The following PAK6 variants were observed in gnomAD, a reference collection of about 807,000 sequenced individuals.
PAK6 encodes p21 (RAC1) activated kinase 6.
In PAK6, 33 loss-of-function variants were observed where a neutral mutation model predicts 60.8. The observed-to-expected ratio is 0.54, with a 90% CI of 0.41 to 0.73. The LOEUF is 0.73. PAK6 is among the 30% of genes least tolerant of loss of function. The probability of loss-of-function intolerance (pLI) is 0.00; values close to 1 mark genes in which losing one functional copy is unlikely to be tolerated. For missense variants in PAK6, 845 were observed against 904.1 expected, an observed-to-expected ratio of 0.93 and a Z score of 0.84; for synonymous variants, 404 against 378.5, an observed-to-expected ratio of 1.07 and a Z score of -0.78.
chr15:40,260,132 G>C (rs2038946107), intron 3 of PAK6: 1 of 152,142 alleles, frequency 6.6e-6, no homozygotes, highest in Non-Finnish European at 1.5e-5. Flanking sequence ...ATCCAGGAGA[G>C]ACCACCAAAT....
chr15:40,272,826 G>A (rs746756612), intron 6 of PAK6, 40 bp from the exon 7 acceptor site: 1 of 1,607,148 alleles, frequency 6.2e-7, no homozygotes, highest in South Asian at 1.1e-5. Flanking sequence ...CCATGCGTCT[G>A]GGCACTGTGC....
chr15:40,273,379 G>T, exon 8 of PAK6: 1 of 1,613,972 alleles, frequency 6.2e-7, no homozygotes, highest in East Asian at 2.2e-5. Context: ...CTGTGTGTGA[G>T]GCTGTGCTGC....
chr15:40,241,277 C>G (rs2038322745), intron 2 of PAK6, among the ~76,000 whole-genome samples: 2 of 152,288 alleles, frequency 1.3e-5, no homozygotes, highest in South Asian at 2.1e-4. Context: ...GGAAGCAAGG[C>G]TAACGTCTTG....
At chr15:40,240,562 C>CTT (rs10624794) in intron 1 of PAK6, 37 bp from the exon 2 acceptor site, 97,981 of 314,468 alleles carry the variant, frequency 0.31, 13,564 homozygotes, top group East Asian at 0.42. Context: ...TTTTCTTTTC[C>CTT]TTTTTTTTTT....
chr15:40,240,396 A>T (rs2140934758), intron 1 of PAK6: 1 of 340,240 alleles, frequency 2.9e-6, no homozygotes, highest in South Asian at 2.2e-5. Flanking sequence ...GTGTGTCAGG[A>T]GGAGGGGGGA....
chr15:40,256,959 C>T (rs11631752), intron 3 of PAK6: 60,047 of 152,160 alleles, frequency 0.39, 13,207 homozygotes, highest in Middle Eastern at 0.55. Flanking sequence ...CATCCCTTGT[C>T]ATCTACAAAA....
intron 10 of PAK6, 23 bp from the exon 11 acceptor site, chr15:40,275,904 A>G: frequency 6.3e-7 from 1 of 1,588,880 alleles, no homozygotes; most frequent in South Asian, 1.1e-5. Context: ...TTGTGGCTTC[A>G]TCTTACTGCC....
exon 11 of PAK6, chr15:40,275,972 G>A (rs758280121): frequency 1.2e-6 from 2 of 1,613,282 alleles, no homozygotes; most frequent in South Asian, 2.2e-5. Flanking sequence ...GCTGGTGCGG[G>A]ACCCCCAAGA....
chr15:40,240,562 C>CTTTTTTTTTTTTTTTTTTTTT lies in PAK6; in HGVS notation c.-200-36_-200-16dup. ...AGAAAAGCACTGAGGTTTTCTTTTCCTTTTTTTTTTTTTTTTTTTTTCTAT... is the reference window on the plus strand; with the variant it reads ...AGAAAAGCACTGAGGTTTTCTTTTCCTTTTTTTTTTTTTTTTTTTTTTTTTTTTTTTTTTTTTTTTTTCTAT... On this transcript the variant is annotated intron_variant, in intron 1 of 10. Coordinates refer to ENST00000560346, the Ensembl canonical transcript of PAK6. 2 of 320,512 alleles carry CTTTTTTTTTTTTTTTTTTTTT rather than the reference C, an allele frequency of 6.2e-6. 1 individual carries two copies. 19.9% of individuals were successfully genotyped at this position (320,512 alleles called of 1,614,324 possible).
In PAK6 at chr15:40,272,741, C is replaced by G; in HGVS notation, c.1356+20C>G. On this transcript the variant is annotated intron_variant, in intron 6 of 10. Transcript: ENST00000560346. The stretch of plus-strand genomic sequence containing the variant: ...AACGAGGTGGGAGGACAGGGTGGGA[C>G]ACAGACGGGGGCGTTGGGGATGGGC... The G allele has an allele frequency of 6.3e-7, 1 of 1,579,890 alleles. No homozygotes were observed. The highest frequency in any genetic ancestry group is 8.6e-7 in the Non-Finnish European group (1 of 1,164,136).
At chr15:40,265,573 T>C (rs1223992226) in intron 4 of PAK6, among the ~76,000 whole-genome samples, 2 of 152,130 alleles carry the variant, frequency 1.3e-5, no homozygotes, top group Non-Finnish European at 2.9e-5. Flanking sequence ...ACCACACCCC[T>C]GGGCATGCTG....
exon 11 of PAK6, chr15:40,277,132 G>C (rs2039478294): frequency 6.6e-6 from 1 of 152,212 alleles, no homozygotes; most frequent in Non-Finnish European, 1.5e-5. Flanking sequence ...ATCTGGGAGA[G>C]AAGGCGAACC....
chr15:40,272,909 T>C, exon 7 of PAK6: 1 of 1,614,062 alleles, frequency 6.2e-7, no homozygotes. Context: ...GTGGTGGAGA[T>C]GTACAAGAGC....
exon 5 of PAK6, chr15:40,265,975 C>T: frequency 6.2e-7 from 1 of 1,604,150 alleles, no homozygotes; most frequent in South Asian, 1.1e-5. Flanking sequence ...CGGGCACAGT[C>T]CCTGGGGCTG....
chr15:40,264,750 G>C (rs374297979), intron 3 of PAK6, 31 bp from the exon 4 acceptor site: 2 of 1,601,310 alleles, frequency 1.2e-6, no homozygotes, highest in East Asian at 4.5e-5. Context: ...TCTTTCCCGG[G>C]AGGGAGCTCA....
intron 2 of PAK6, chr15:40,245,522 G>A (rs1389084924): frequency 6.6e-6 from 1 of 152,216 alleles, no homozygotes; most frequent in African/African-American, 2.4e-5. Context: ...GGAGCGAGGG[G>A]ACCAGTTATG....
At chr15:40,252,300 G>C (rs1260947136) in intron 2 of PAK6, 2 of 1,232,282 alleles carry the variant, frequency 1.6e-6, no homozygotes, top group Non-Finnish European at 2.1e-6. Context: ...TGATTCTCCA[G>C]GTCGGGTCTC....
intron 3 of PAK6, among the ~76,000 whole-genome samples, chr15:40,262,674 G>A (rs1371774401): frequency 2.6e-5 from 4 of 152,196 alleles, no homozygotes; most frequent in Non-Finnish European, 4.4e-5. Context: ...AAGTGGTTTG[G>A]TGTTACTCCC....
At chr15:40,263,273 A>G (rs1595588541) in intron 3 of PAK6, among the ~76,000 whole-genome samples, 1 of 151,452 alleles carries the variant, frequency 6.6e-6, no homozygotes, top group East Asian at 1.9e-4. Flanking sequence ...TCAGTTCAAG[A>G]ATCATGTTTC....
Sources: gnomAD v4.1 joint callset for allele counts (sites outside exome capture counted in the v4.1 genomes callset) on GRCh38, gnomAD v4.1.1 for gene constraint, MANE v1.5 for transcripts, NCBI Gene and HGNC (gene_info 2026-07-23, HGNC 2026-07-21) for gene names.